LRRTM4: variants seen among roughly 807,000 people sequenced by gnomAD.
The protein encoded by LRRTM4 is leucine rich repeat transmembrane neuronal 4, also known as leucine-rich repeat transmembrane neuronal protein 4.
In LRRTM4, 25 loss-of-function variants were observed where a neutral mutation model predicts 47.6. The observed-to-expected ratio is 0.53, with a 90% CI of 0.38 to 0.73. The LOEUF (loss-of-function observed/expected upper bound fraction) is 0.73. Ranked by LOEUF, LRRTM4 falls within the 30% of genes least tolerant of loss-of-function variation. The probability of loss-of-function intolerance (pLI) is 0.00; values close to 1 mark genes in which losing one functional copy is unlikely to be tolerated. For missense variants in LRRTM4, 638 were observed against 713.4 expected, an observed-to-expected ratio of 0.89 and a Z score of 1.20; for synonymous variants, 311 against 269.5, an observed-to-expected ratio of 1.15 and a Z score of -1.51.
intron 3 of LRRTM4, among the ~76,000 whole-genome samples, chr2:77,069,085 G>A (rs1402835695): frequency 6.6e-6 from 1 of 152,150 alleles, no homozygotes; most frequent in Admixed American, 6.6e-5. Flanking sequence ...CTGGCTTGCT[G>A]TTAATAAATA....
chr2:77,090,416 C>A (rs991904354), intron 3 of LRRTM4, among the ~76,000 whole-genome samples: 2 of 152,110 alleles, frequency 1.3e-5, no homozygotes, highest in Non-Finnish European at 2.9e-5. Flanking sequence ...ATTTTATTAC[C>A]CAATCTGCTC....
chr2:77,485,853 C>T (rs998045738), intron 3 of LRRTM4, among the ~76,000 whole-genome samples: 1 of 152,108 alleles, frequency 6.6e-6, no homozygotes, highest in Non-Finnish European at 1.5e-5. Flanking sequence ...ATCTCAGCCT[C>T]CCAAGTAGCT....
At chr2:76,978,960 T>G (rs1369120302) in intron 3 of LRRTM4, among the ~76,000 whole-genome samples, 2 of 151,918 alleles carry the variant, frequency 1.3e-5, no homozygotes, top group Non-Finnish European at 2.9e-5. Flanking sequence ...GGAGACAACC[T>G]TAAAGTCCCT....
At chr2:76,861,720 G>C (rs1573224777) in intron 3 of LRRTM4, among the ~76,000 whole-genome samples, 1 of 152,166 alleles carries the variant, frequency 6.6e-6, no homozygotes, top group Non-Finnish European at 1.5e-5. Context: ...TAATCCAGAT[G>C]TATCAGTAAG....
At chr2:77,321,259 C>A (rs892033718) in intron 3 of LRRTM4, among the ~76,000 whole-genome samples, 2 of 151,986 alleles carry the variant, frequency 1.3e-5, no homozygotes, top group Admixed American at 6.6e-5. Context: ...AATTATAAGC[C>A]TAGAGAAACA....
At chr2:76,912,966 A>G (rs952638248) in intron 3 of LRRTM4, among the ~76,000 whole-genome samples, 1 of 152,176 alleles carries the variant, frequency 6.6e-6, no homozygotes, top group African/African-American at 2.4e-5. Context: ...TTTCATTCAT[A>G]AATTACCCAG....
At chr2:77,359,169 T>C (rs398543) in intron 3 of LRRTM4, among the ~76,000 whole-genome samples, 73,494 of 151,994 alleles carry the variant, frequency 0.48, 20,142 homozygotes, top group Admixed American at 0.62. Flanking sequence ...TAACATCAGA[T>C]AACTATCCAC....
At chr2:77,059,529 G>T (rs1679718126) in intron 3 of LRRTM4, among the ~76,000 whole-genome samples, 1 of 152,114 alleles carries the variant, frequency 6.6e-6, no homozygotes, top group South Asian at 2.1e-4. Flanking sequence ...CATTCCATGT[G>T]CCTGACCAGC....
At chr2:77,348,642 T>A (rs187772656) in intron 3 of LRRTM4, among the ~76,000 whole-genome samples, 27 of 150,652 alleles carry the variant, frequency 1.8e-4, no homozygotes, top group African/African-American at 5.3e-4. Context: ...ATGATTTTTT[T>A]AAAAAATAGC....
At chr2:77,029,318 G>A (rs62170896) in intron 3 of LRRTM4, among the ~76,000 whole-genome samples, 18,723 of 151,760 alleles carry the variant, frequency 0.12, 1,435 homozygotes, top group Admixed American at 0.19. Flanking sequence ...TGGAGCAAGG[G>A]AGCCAGTCCG....
At chr2:76,789,792 A>G (rs1674874357) in intron 3 of LRRTM4, among the ~76,000 whole-genome samples, 1 of 152,192 alleles carries the variant, frequency 6.6e-6, no homozygotes, top group African/African-American at 2.4e-5. Context: ...GAACAAAGGC[A>G]TGGTGTCTTC....
rs901029766 is a variant in LRRTM4 at position 76,761,918 on chromosome 2, G to C, written c.1552-13002C>G. On this transcript the variant is annotated intron_variant, in intron 3 of 3. Transcript: ENST00000409884. ...GGGGGACTACAAAAGGATGTCCTCTGACACTGGAAATAATAAGCATTGTCA... is the reference window on the plus strand; with the variant it reads ...GGGGGACTACAAAAGGATGTCCTCTCACACTGGAAATAATAAGCATTGTCA... Among the ~76,000 whole-genome samples the C allele has an allele frequency of 3.3e-5, 5 of 152,184 alleles. No homozygotes were observed. In the East Asian group the frequency reaches 9.6e-4, roughly 29 times the overall value.
At chr2:77,130,270 TAA>T (rs1558595070) in intron 3 of LRRTM4, among the ~76,000 whole-genome samples, 1 of 152,174 alleles carries the variant, frequency 6.6e-6, no homozygotes, top group African/African-American at 2.4e-5. Flanking sequence ...GCAACTTTAT[TAA>T]CAAGTAGGCA....
chr2:77,091,296 G>C (rs989398877), intron 3 of LRRTM4, among the ~76,000 whole-genome samples: 1 of 146,838 alleles, frequency 6.8e-6, no homozygotes, highest in Non-Finnish European at 1.5e-5. Context: ...CCTCCTTGGC[G>C]ACCGATCATG....
At chr2:77,112,896 T>A (rs1254977866) in intron 3 of LRRTM4, among the ~76,000 whole-genome samples, 1 of 152,162 alleles carries the variant, frequency 6.6e-6, no homozygotes, top group South Asian at 2.1e-4. Flanking sequence ...CATTTTACAC[T>A]CATGGTTCGC....
chr2:77,455,199 A>G (rs1435011361), intron 3 of LRRTM4, among the ~76,000 whole-genome samples: 1 of 152,178 alleles, frequency 6.6e-6, no homozygotes, highest in African/African-American at 2.4e-5. Flanking sequence ...AAATAAATAA[A>G]TGTCCCATTT....
intron 3 of LRRTM4, among the ~76,000 whole-genome samples, chr2:77,404,575 G>A (rs1227689849): frequency 6.6e-6 from 1 of 151,956 alleles, no homozygotes; most frequent in Admixed American, 6.6e-5. Context: ...GGAAAATGCT[G>A]GGATAATTTT....
intron 3 of LRRTM4, among the ~76,000 whole-genome samples, chr2:77,483,983 C>A (rs1194029735): frequency 6.6e-6 from 1 of 152,182 alleles, no homozygotes; most frequent in Non-Finnish European, 1.5e-5. Flanking sequence ...GTTTTCACAT[C>A]ACCAGTAACT....
intron 3 of LRRTM4, among the ~76,000 whole-genome samples, chr2:77,032,713 C>G (rs1424974312): frequency 6.6e-6 from 1 of 152,080 alleles, no homozygotes; most frequent in African/African-American, 2.4e-5. Flanking sequence ...TGCTGAAAGA[C>G]TGCATTAGGA....
Sources: allele counts gnomAD v4.1 joint callset (sites outside exome capture counted in the v4.1 genomes callset), GRCh38; gene constraint gnomAD v4.1.1; transcripts MANE v1.5; gene names NCBI Gene and HGNC (gene_info 2026-07-23, HGNC 2026-07-21).